PARD3B: variants seen among roughly 807,000 people sequenced by gnomAD.
PARD3B encodes the protein partitioning defective 3 homolog B.
Under a neutral mutation model 130.2 loss-of-function variants are expected in PARD3B, and 103 were observed. The ratio of observed to expected loss-of-function variants is 0.79; its 90% confidence interval spans 0.67 to 0.93. The LOEUF is 0.93. Ranked by LOEUF, PARD3B falls within the 40% of genes least tolerant of loss-of-function variation. The probability of loss-of-function intolerance (pLI) is 0.00; values close to 1 mark genes in which losing one functional copy is unlikely to be tolerated. For missense variants in PARD3B, 1,609 were observed against 1,499.2 expected (o/e 1.07, Z -1.21); for synonymous variants, 583 against 553.2 (o/e 1.05, Z -0.76).
At chr2:205,324,969 G>A (rs79919754) in intron 18 of PARD3B, among the ~76,000 whole-genome samples, 4,651 of 152,242 alleles carry the variant, frequency 0.031, 204 homozygotes, top group African/African-American at 0.1. Context: ...TCTCTCACCT[G>A]TGAAGACCAA....
At chr2:205,396,520 A>G (rs1212006572) in intron 18 of PARD3B, among the ~76,000 whole-genome samples, 1 of 152,224 alleles carries the variant, frequency 6.6e-6, no homozygotes. Flanking sequence ...AAGCAAACTT[A>G]TAATTCATGA....
intron 22 of PARD3B, among the ~76,000 whole-genome samples, chr2:205,557,098 G>A (rs1015823390): frequency 2.6e-5 from 4 of 152,196 alleles, no homozygotes; most frequent in South Asian, 2.1e-4. Context: ...TTGCTCTTCC[G>A]GACTTAGAAT....
At chr2:205,251,399 G>A (rs1269498747) in intron 16 of PARD3B, among the ~76,000 whole-genome samples, 2 of 152,158 alleles carry the variant, frequency 1.3e-5, no homozygotes, top group Admixed American at 6.5e-5. Flanking sequence ...CAAGAGTTTA[G>A]TATGCAAGTT....
intron 16 of PARD3B, among the ~76,000 whole-genome samples, chr2:205,261,391 G>GTGAA (rs1279302851): frequency 2.0e-5 from 3 of 152,128 alleles, no homozygotes; most frequent in South Asian, 2.1e-4. Flanking sequence ...TGCAGAATGA[G>GTGAA]TGAATGAATG....
chr2:205,102,744 C>G (rs938656498), intron 4 of PARD3B, among the ~76,000 whole-genome samples: 5 of 152,122 alleles, frequency 3.3e-5, no homozygotes, highest in Non-Finnish European at 2.9e-5. Context: ...CAAAGTGCTT[C>G]TGTTGCAGTT....
chr2:204,826,972 A>G (rs2043604523), intron 2 of PARD3B, among the ~76,000 whole-genome samples: 1 of 152,178 alleles, frequency 6.6e-6, no homozygotes. Flanking sequence ...GTGAGCTATG[A>G]TCATGCCACT....
At chr2:204,773,796 C>G (rs1340471458) in intron 2 of PARD3B, among the ~76,000 whole-genome samples, 1 of 152,052 alleles carries the variant, frequency 6.6e-6, no homozygotes, top group African/African-American at 2.4e-5. Flanking sequence ...ACTTCCTCTT[C>G]TCTTCCACGT....
intron 18 of PARD3B, among the ~76,000 whole-genome samples, chr2:205,332,788 C>T (rs1559671874): frequency 6.6e-6 from 1 of 152,088 alleles, no homozygotes; most frequent in Non-Finnish European, 1.5e-5. Flanking sequence ...TCACTGAAAA[C>T]CCACAGTGTG....
intron 18 of PARD3B, among the ~76,000 whole-genome samples, chr2:205,378,540 C>G (rs1489627193): frequency 6.6e-6 from 1 of 152,192 alleles, no homozygotes; most frequent in African/African-American, 2.4e-5. Context: ...TATTCTTACT[C>G]TGCCAGAGCT....
chr2:204,858,175 C>T (rs764684086), intron 2 of PARD3B, among the ~76,000 whole-genome samples: 1 of 152,064 alleles, frequency 6.6e-6, no homozygotes, highest in Non-Finnish European at 1.5e-5. Context: ...CTCATTTTAT[C>T]AAATACGTTA....
At position 205,461,966 on chromosome 2, in the gene PARD3B, A is replaced by G. The variant is rs1479248694; in HGVS notation, c.3044+21294A>G. On this transcript the variant is annotated intron_variant, in intron 20 of 22. Transcript: ENST00000406610. The surrounding 1 kb of genome is among the most constrained non-coding windows in gnomAD (Gnocchi z 4.3). ...AAAGTAGACTTTATGAGTAAGTGTG[A>G]CAATGGCCTAATGGAATGGACTTCT... 6.6e-6 allele frequency among the ~76,000 whole-genome samples: 1 copy of G among 152,252 alleles called. No homozygotes were observed. The highest frequency in any genetic ancestry group is 2.4e-5 in the African/African-American group (1 of 41,476).
intron 1 of PARD3B, among the ~76,000 whole-genome samples, chr2:204,657,515 A>T (rs1024584476): frequency 9.3e-5 from 14 of 150,794 alleles, no homozygotes; most frequent in East Asian, 1.9e-4. Flanking sequence ...TAAAAAAAAA[A>T]TTTTTTTTTT....
chr2:204,552,288 C>T (rs975857470), intron 1 of PARD3B, among the ~76,000 whole-genome samples: 1 of 152,168 alleles, frequency 6.6e-6, no homozygotes, highest in Non-Finnish European at 1.5e-5. Context: ...AATGCTCCAC[C>T]TAGACACTAG....
In PARD3B at chr2:205,163,030, A is replaced by T. The variant is rs576714004; in HGVS notation, c.1620+4123A>T. Among the ~76,000 whole-genome samples the T allele has an allele frequency of 3.1e-4, 47 of 152,304 alleles. 1 individual carries two copies. In the South Asian group the frequency reaches 6.2e-3, roughly 20 times the overall value. ...TTTGCTACCCTAAAGAATTACTTTA[A>T]AAATGTATACATAACTAGAATAGTG... is the stretch of plus-strand genomic sequence containing the variant. On this transcript the variant is annotated intron_variant, in intron 11 of 22. Coordinates refer to ENST00000406610, the MANE Select transcript of PARD3B (RefSeq NM_001302769.2).
chr2:204,862,033 GT>G (rs2045229676), intron 2 of PARD3B, among the ~76,000 whole-genome samples: 1 of 150,182 alleles, frequency 6.7e-6, no homozygotes, highest in African/African-American at 2.5e-5. Context: ...TTCACTCCAT[GT>G]TTATATTAGG....
At chr2:204,740,055 C>A (rs1275397092) in intron 2 of PARD3B, among the ~76,000 whole-genome samples, 1 of 151,638 alleles carries the variant, frequency 6.6e-6, no homozygotes, top group Non-Finnish European at 1.5e-5. Context: ...CTCTCATCAC[C>A]CAGGCTGGAG....
At chr2:204,925,681 T>G (rs144053339) in intron 2 of PARD3B, among the ~76,000 whole-genome samples, 76 of 152,170 alleles carry the variant, frequency 5.0e-4, no homozygotes, top group African/African-American at 1.6e-3. Context: ...TTCAGTGAGA[T>G]TCACACCTCC....
intron 15 of PARD3B, among the ~76,000 whole-genome samples, chr2:205,197,547 C>T (rs2036763982): frequency 6.6e-6 from 1 of 151,986 alleles, no homozygotes; most frequent in Non-Finnish European, 1.5e-5. Flanking sequence ...ATATGTAGCC[C>T]TTTTGAGGCT....
At chr2:205,493,137 ATTATAG>A (rs2049785511) in intron 20 of PARD3B, among the ~76,000 whole-genome samples, 1 of 152,106 alleles carries the variant, frequency 6.6e-6, no homozygotes. Context: ...GTTTAATTAT[ATTATAG>A]TTATGTTATT....
Sources: allele counts gnomAD v4.1 joint callset (sites outside exome capture counted in the v4.1 genomes callset), GRCh38; gene constraint gnomAD v4.1.1; non-coding constraint Gnocchi (gnomAD v3.1); transcripts MANE v1.5; gene names NCBI Gene and HGNC (gene_info 2026-07-23, HGNC 2026-07-21).